Variants in CHCHD3 observed in about 807,000 individuals in gnomAD.
CHCHD3 encodes MICOS complex subunit MIC19.
CHCHD3 carries 20 observed loss-of-function variants against 38.2 expected under a neutral mutation model. The ratio of observed to expected loss-of-function variants is 0.52; its 90% CI spans 0.37 to 0.76. The LOEUF (loss-of-function observed/expected upper bound fraction) is 0.76, where lower values mean the gene tolerates loss of function less well. Ranked by LOEUF, CHCHD3 falls within the 30% of genes least tolerant of loss-of-function variation. CHCHD3 has a pLI of 0.00. For missense variants in CHCHD3, 245 were observed against 279.2 expected, an observed-to-expected ratio of 0.88 and a Z score of 0.87; for synonymous variants, 82 against 100.0, an observed-to-expected ratio of 0.82 and a Z score of 1.07.
chr7:132,900,275 T>C (rs888139788), intron 4 of CHCHD3, among the ~76,000 whole-genome samples: 7 of 16,354 alleles, frequency 4.3e-4, no homozygotes, highest in Non-Finnish European at 8.6e-4. Context: ...TTACAGAAGC[T>C]GGTACAATTA....
intron 3 of CHCHD3, chr7:133,022,463 A>G (rs1249608999): frequency 2.2e-6 from 1 of 456,734 alleles, no homozygotes; most frequent in Admixed American, 2.3e-5. Flanking sequence ...CTGCACACAA[A>G]ACTTTCTTAA....
chr7:133,017,946 C>G lies in CHCHD3; in HGVS notation c.251+6600G>C, dbSNP rs527833549. Among the ~76,000 whole-genome samples the G allele has an allele frequency of 1.3e-3, 203 of 152,292 alleles. 1 individual carries two copies. Among genetic ancestry groups the G allele is most frequent in the African/African-American group, 3.8e-3 (156 of 41,562 alleles). The stretch of plus-strand genomic sequence containing the variant: ...AAGATTCCAATACCTAGTACAGACA[C>G]AGCACTTCCAATCACCTTCCAGTGA... On this transcript the variant is annotated intron_variant, in intron 3 of 7. Transcript: ENST00000262570.
At chr7:132,917,718 G>A (rs930937863) in intron 4 of CHCHD3, among the ~76,000 whole-genome samples, 3 of 151,950 alleles carry the variant, frequency 2.0e-5, no homozygotes, top group African/African-American at 7.3e-5. Flanking sequence ...AATTAGCCGG[G>A]TGTGTTGGCG....
chr7:132,958,440 A>C (rs892541513), intron 4 of CHCHD3, among the ~76,000 whole-genome samples: 10 of 152,352 alleles, frequency 6.6e-5, no homozygotes, highest in African/African-American at 2.2e-4. Flanking sequence ...GAGAAAAAAA[A>C]GGAAAAGAAA....
At chr7:132,819,718 G>T (rs1403840525) in intron 6 of CHCHD3, among the ~76,000 whole-genome samples, 1 of 152,180 alleles carries the variant, frequency 6.6e-6, no homozygotes, top group African/African-American at 2.4e-5. Flanking sequence ...TTAGTAGGAA[G>T]GGAGGTGTCT....
At chr7:132,829,412 T>C (rs555126549) in intron 6 of CHCHD3, among the ~76,000 whole-genome samples, 7 of 152,232 alleles carry the variant, frequency 4.6e-5, no homozygotes, top group African/African-American at 1.7e-4. Context: ...ATGGATCGTA[T>C]TGATTAAGAA....
At chr7:132,996,078 A>T (rs545744018) in intron 3 of CHCHD3, among the ~76,000 whole-genome samples, 4 of 152,028 alleles carry the variant, frequency 2.6e-5, no homozygotes, top group African/African-American at 9.6e-5. Context: ...GATTTATGGT[A>T]AAAAAACCAA....
chr7:133,016,115 T>A (rs1485346154), intron 3 of CHCHD3, among the ~76,000 whole-genome samples: 1 of 152,144 alleles, frequency 6.6e-6, no homozygotes, highest in East Asian at 1.9e-4. Flanking sequence ...CAACATGAGA[T>A]GTGGGTGGGG....
intron 3 of CHCHD3, among the ~76,000 whole-genome samples, chr7:132,986,434 A>G (rs1191680735): frequency 1.3e-5 from 2 of 151,892 alleles, no homozygotes; most frequent in African/African-American, 4.8e-5. Context: ...GAAAAAAAAA[A>G]AAAAAGAAAA....
chr7:133,068,586 C>T (rs1162843621), intron 2 of CHCHD3, among the ~76,000 whole-genome samples: 1 of 152,176 alleles, frequency 6.6e-6, no homozygotes, highest in Non-Finnish European at 1.5e-5. Flanking sequence ...CTTCTGTGTG[C>T]ACAGCACAGG....
At chr7:132,986,277 A>G (rs1186361169) in intron 3 of CHCHD3, among the ~76,000 whole-genome samples, 1 of 148,084 alleles carries the variant, frequency 6.8e-6, no homozygotes, top group African/African-American at 2.5e-5. Context: ...GGAAGGCCGC[A>G]GGGTCCTCTG....
At chr7:132,960,469 T>C (rs1022356626) in intron 4 of CHCHD3, among the ~76,000 whole-genome samples, 3 of 152,136 alleles carry the variant, frequency 2.0e-5, no homozygotes, top group African/African-American at 7.2e-5. Context: ...CTCTTAATAA[T>C]ATATTGAGTT....
chr7:132,920,457 A>G (rs2117236875), intron 4 of CHCHD3, among the ~76,000 whole-genome samples: 1 of 152,306 alleles, frequency 6.6e-6, no homozygotes, highest in East Asian at 1.9e-4. Context: ...GGAGATGCTT[A>G]TCTGACATGC....
At chr7:132,813,166 C>A (rs73724108) in intron 6 of CHCHD3, among the ~76,000 whole-genome samples, 1,659 of 152,314 alleles carry the variant, frequency 0.011, 35 homozygotes, top group African/African-American at 0.036. Flanking sequence ...TGAGAAGCCA[C>A]TGGGGTAGCT....
chr7:132,972,825 C>T (rs1811645897), intron 4 of CHCHD3: 1 of 984,962 alleles, frequency 1.0e-6, no homozygotes, highest in African/African-American at 1.8e-5. Context: ...TCATCTATAC[C>T]ACACAACCAG....
chr7:133,030,457 C>A (rs1166018207), intron 2 of CHCHD3, among the ~76,000 whole-genome samples: 1 of 152,100 alleles, frequency 6.6e-6, no homozygotes, highest in African/African-American at 2.4e-5. Context: ...CAAGAAAGGC[C>A]AACTTTGCCT....
chr7:132,791,082 A>G (rs1311468660), intron 7 of CHCHD3, among the ~76,000 whole-genome samples: 4 of 152,200 alleles, frequency 2.6e-5, no homozygotes, highest in Non-Finnish European at 5.9e-5. Flanking sequence ...AAGGTCAAAG[A>G]CCTTTAATGC....
chr7:132,804,535 C>T (rs576078938), intron 6 of CHCHD3, among the ~76,000 whole-genome samples: 10 of 152,172 alleles, frequency 6.6e-5, no homozygotes, highest in African/African-American at 1.4e-4. Context: ...TCTTCCCTGC[C>T]GTGATCAAAT....
intron 4 of CHCHD3, among the ~76,000 whole-genome samples, chr7:132,949,854 T>C (rs532636754): frequency 2.2e-4 from 34 of 152,178 alleles, no homozygotes; most frequent in Non-Finnish European, 4.0e-4. Context: ...ACAAAGATCA[T>C]TGTAGAGTAG....
Sources: gnomAD v4.1 joint callset for allele counts (sites outside exome capture counted in the v4.1 genomes callset) on GRCh38, gnomAD v4.1.1 for gene constraint, MANE v1.5 for transcripts, NCBI Gene and HGNC (gene_info 2026-07-23, HGNC 2026-07-21) for gene names.